Variants in PRKG1 observed in about 807,000 individuals in gnomAD.
PRKG1 encodes protein kinase cGMP-dependent 1.
A neutral mutation model predicts 88.1 loss-of-function variants in PRKG1; 35 were observed. The observed-to-expected ratio is 0.40, with a 90% CI of 0.30 to 0.53. The LOEUF (loss-of-function observed/expected upper bound fraction) is 0.53. Among genes scored for constraint, PRKG1 ranks in the 20% least tolerant of loss-of-function variants. The pLI is 0.59. For synonymous variants in PRKG1, 303 were observed against 292.5 expected, an observed-to-expected ratio of 1.04 and a Z score of -0.37; for missense variants, 540 against 839.8, an observed-to-expected ratio of 0.64 and a Z score of 4.41.
At chr10:51,880,604 G>A (rs1159348138) in intron 4 of PRKG1, among the ~76,000 whole-genome samples, 1 of 152,204 alleles carries the variant, frequency 6.6e-6, no homozygotes, top group Non-Finnish European at 1.5e-5. Flanking sequence ...TAAAAGTCCT[G>A]TATTGGTTTT....
At chr10:51,191,475 AATATAATT>A (rs1213440112) in intron 2 of PRKG1, among the ~76,000 whole-genome samples, 2 of 151,860 alleles carry the variant, frequency 1.3e-5, no homozygotes, top group Non-Finnish European at 2.9e-5. Context: ...AAGCATTCAA[AATATAATT>A]AGGTGAAGTT....
At chr10:51,572,532 A>T (rs1670517238) in intron 3 of PRKG1, among the ~76,000 whole-genome samples, 1 of 152,000 alleles carries the variant, frequency 6.6e-6, no homozygotes, top group African/African-American at 2.4e-5. Context: ...CAGATGAGAA[A>T]ATAGAGCCAC....
chr10:51,371,962 G>T (rs903829538), intron 2 of PRKG1, among the ~76,000 whole-genome samples: 3 of 151,908 alleles, frequency 2.0e-5, no homozygotes, highest in African/African-American at 7.3e-5. Flanking sequence ...GTCCCCTGCT[G>T]TAAGAGTTTC....
intron 3 of PRKG1, among the ~76,000 whole-genome samples, chr10:51,725,533 A>G (rs1842109806): frequency 6.6e-6 from 1 of 152,126 alleles, no homozygotes; most frequent in Non-Finnish European, 1.5e-5. Context: ...CATACCCAAA[A>G]CAAAATAGAA....
intron 2 of PRKG1, among the ~76,000 whole-genome samples, chr10:51,210,934 A>G (rs1387040004): frequency 6.6e-6 from 1 of 152,198 alleles, no homozygotes; most frequent in Non-Finnish European, 1.5e-5. Context: ...AATCAATGGA[A>G]AAAGAGGGAA....
chr10:51,958,315 A>T (rs1046708021), intron 5 of PRKG1, among the ~76,000 whole-genome samples: 4 of 152,152 alleles, frequency 2.6e-5, no homozygotes, highest in African/African-American at 9.6e-5. Flanking sequence ...CTTTTAGAGA[A>T]TTTGTGATTG....
At chr10:50,993,478 G>A (rs1308946258) in intron 1 of PRKG1, among the ~76,000 whole-genome samples, 1 of 152,178 alleles carries the variant, frequency 6.6e-6, no homozygotes. Flanking sequence ...CTGCTGCTGA[G>A]TCTTGTCTCA....
intron 3 of PRKG1, among the ~76,000 whole-genome samples, chr10:51,576,298 A>G (rs551130766): frequency 2.1e-4 from 32 of 152,094 alleles, no homozygotes; most frequent in African/African-American, 7.7e-4. Context: ...CCATACATGT[A>G]TAGTGACATA....
At chr10:51,711,158 T>C (rs1427562948) in intron 3 of PRKG1, among the ~76,000 whole-genome samples, 1 of 152,138 alleles carries the variant, frequency 6.6e-6, no homozygotes, top group African/African-American at 2.4e-5. Context: ...CAGGCTGGAG[T>C]GCAGTGGTGC....
At chr10:51,751,634 A>G (rs1444920285) in intron 3 of PRKG1, among the ~76,000 whole-genome samples, 1 of 152,188 alleles carries the variant, frequency 6.6e-6, no homozygotes, top group Non-Finnish European at 1.5e-5. Flanking sequence ...GTCTATCTAA[A>G]ATTCAAATTT....
At chr10:52,194,834 A>C (rs914142759) in intron 9 of PRKG1, among the ~76,000 whole-genome samples, 2 of 152,180 alleles carry the variant, frequency 1.3e-5, no homozygotes, top group Non-Finnish European at 2.9e-5. Context: ...AGCACAATTA[A>C]CTGTCCCAAA....
At chr10:51,263,775 T>C (rs1839774588) in intron 2 of PRKG1, among the ~76,000 whole-genome samples, 1 of 152,230 alleles carries the variant, frequency 6.6e-6, no homozygotes, top group Admixed American at 6.5e-5. Flanking sequence ...ATGCTAGTGC[T>C]AGTTGAATAA....
chr10:51,610,857 C>T (rs772384425), intron 3 of PRKG1, among the ~76,000 whole-genome samples: 4 of 151,660 alleles, frequency 2.6e-5, no homozygotes, highest in African/African-American at 7.3e-5. Context: ...CACATGAACA[C>T]GGGGAGGGGA....
Position 51,886,398 on chromosome 10 carries a change from AT to A in PRKG1, c.699-21106del, listed in dbSNP as rs1236436184. Among the ~76,000 whole-genome samples, 3 of 152,202 alleles carry A rather than the reference AT, an allele frequency of 2.0e-5. No individual in the cohort carries two copies. In the East Asian group the frequency reaches 5.8e-4, roughly 29 times the overall value. ...AAGATATGGCAAAAGGACTATTAGA[AT>A]TTATGCATGCACATTTTATTTTCCC... On this transcript the variant is annotated intron_variant, in intron 4 of 17. Coordinates refer to ENST00000373980, the MANE Select transcript of PRKG1 (RefSeq NM_006258.4).
At chr10:51,019,474 A>G (rs905636379) in intron 1 of PRKG1, among the ~76,000 whole-genome samples, 1 of 152,004 alleles carries the variant, frequency 6.6e-6, no homozygotes, top group African/African-American at 2.4e-5. Flanking sequence ...TCCTTACCTA[A>G]CACCATATAC....
chr10:51,591,799 A>C (rs911063190), intron 3 of PRKG1, among the ~76,000 whole-genome samples: 2 of 152,188 alleles, frequency 1.3e-5, no homozygotes, highest in African/African-American at 2.4e-5. Context: ...CTTATAAAAA[A>C]CATTTCTGAT....
chr10:51,015,303 A>G (rs1843044014), intron 1 of PRKG1, among the ~76,000 whole-genome samples: 1 of 152,258 alleles, frequency 6.6e-6, no homozygotes, highest in African/African-American at 2.4e-5. Flanking sequence ...TCCAACAACT[A>G]TTTATTTAAA....
intron 10 of PRKG1, among the ~76,000 whole-genome samples, chr10:52,254,478 T>C (rs556796392): frequency 6.6e-6 from 1 of 152,156 alleles, no homozygotes; most frequent in East Asian, 1.9e-4. Context: ...TACACTTTAA[T>C]TTTAAAATAG....
chr10:51,553,217 A>G (rs535147334), intron 3 of PRKG1, among the ~76,000 whole-genome samples: 1 of 151,826 alleles, frequency 6.6e-6, no homozygotes, highest in Admixed American at 6.6e-5. Context: ...AGGTACAGGA[A>G]GGAGAAGCAA....
Sources: allele counts gnomAD v4.1 joint callset (sites outside exome capture counted in the v4.1 genomes callset), GRCh38; gene constraint gnomAD v4.1.1; transcripts MANE v1.5; gene names NCBI Gene and HGNC (gene_info 2026-07-23, HGNC 2026-07-21).